The following RETREG1 variants were observed in gnomAD, a reference collection of about 807,000 sequenced individuals.
RETREG1 encodes the protein family with sequence similarity 134 member B.
Under a neutral mutation model 54.8 loss-of-function variants are expected in RETREG1, and 44 were observed. The ratio of observed to expected loss-of-function variants is 0.80; its 90% confidence interval spans 0.63 to 1.03. The LOEUF (loss-of-function observed/expected upper bound fraction) is 1.03, where lower values mean the gene tolerates loss of function less well. Among genes scored for constraint, RETREG1 ranks in the 50% least tolerant of loss-of-function variants. The probability of loss-of-function intolerance (pLI) is 0.00; values close to 1 mark genes in which losing one functional copy is unlikely to be tolerated. For synonymous variants in RETREG1, 217 were observed against 238.5 expected (o/e 0.91, Z 0.83); for missense variants, 554 against 605.1 (o/e 0.92, Z 0.89).
chr5:16,591,310 T>G (rs1324297448), intron 1 of RETREG1, among the ~76,000 whole-genome samples: 1 of 151,538 alleles, frequency 6.6e-6, no homozygotes, highest in East Asian at 1.9e-4. Context: ...ATCTTCTTAA[T>G]ATGGAAAGAA....
At chr5:16,529,828 C>A (rs1740856359) in intron 3 of RETREG1, among the ~76,000 whole-genome samples, 1 of 152,142 alleles carries the variant, frequency 6.6e-6, no homozygotes, top group Non-Finnish European at 1.5e-5. Context: ...TACATAAGTA[C>A]CACGCTCAGG....
Position 16,474,815 on chromosome 5 carries a change from G to T in RETREG1, c.1420C>A (p.Gln474Lys). The change falls in exon 9 of 9, where the codon CAA (glutamine) becomes AAA (lysine). Residue 474 changes from glutamine (Q) to lysine (K), a missense_variant. Around this residue, in one of 4 missense-constraint regions of RETREG1, gnomAD observed 30 missense variants for 32.4 expected, o/e 0.93. Coordinates refer to ENST00000306320, the MANE Select transcript of RETREG1 (RefSeq NM_001034850.3). Reference protein sequence around the residue: ...DQIESELGLTQDQEAEAQQNK... With the variant: ...DQIESELGLTKDQEAEAQQNK... ...TGCTGTGCTTCTGCTTCCTGGTCTT[G>T]TGTAAGTCCCAATTCACTCTCAATT... is the stretch of plus-strand genomic sequence containing the variant. 1.2e-6 allele frequency: 2 copies of T among 1,613,730 alleles called. No homozygotes were observed. Among genetic ancestry groups the T allele is most frequent in the Non-Finnish European group, 1.7e-6 (2 of 1,179,920 alleles).
intron 3 of RETREG1, among the ~76,000 whole-genome samples, chr5:16,555,284 T>C (rs148687279): frequency 3.9e-4 from 60 of 152,284 alleles, no homozygotes; most frequent in African/African-American, 1.4e-3. Flanking sequence ...CCCAAGTACC[T>C]GGGACTACAG....
chr5:16,510,620 T>C (rs1440043202), intron 3 of RETREG1, among the ~76,000 whole-genome samples: 1 of 151,850 alleles, frequency 6.6e-6, no homozygotes, highest in Non-Finnish European at 1.5e-5. Context: ...TGAAACCCTG[T>C]CTCTACTAAA....
intron 1 of RETREG1, among the ~76,000 whole-genome samples, chr5:16,613,923 A>G (rs758528628): frequency 1.5e-4 from 23 of 152,386 alleles, no homozygotes; most frequent in Admixed American, 5.9e-4. Flanking sequence ...AAAAAAAACA[A>G]AATTTTAATG....
At chr5:16,478,013 T>G in intron 7 of RETREG1, 21 bp downstream of exon 7, 1 of 1,591,978 alleles carries the variant, frequency 6.3e-7, no homozygotes, top group Non-Finnish European at 8.6e-7. Context: ...AGGAACAAAT[T>G]GAAAACTAAA....
rs1000729314 is a variant in RETREG1 at position 16,594,324 on chromosome 5, G to C, written c.321-22222C>G. ...TACAAGTTCTAAGTGTATTAGAATA[G>C]ATTTTTAAATGTGACTGAATGAAAA... On this transcript the variant is annotated intron_variant, in intron 1 of 8. Transcript: ENST00000306320. The surrounding 1 kb of genome is among the most constrained non-coding windows in gnomAD (Gnocchi z 4.4). Among the ~76,000 whole-genome samples, 15 of 152,190 alleles carry C rather than the reference G, an allele frequency of 9.9e-5. No homozygotes were observed. The highest frequency in any genetic ancestry group is 3.4e-4 in the African/African-American group (14 of 41,446).
At chr5:16,600,410 G>A (rs1743021073) in intron 1 of RETREG1, among the ~76,000 whole-genome samples, 2 of 152,208 alleles carry the variant, frequency 1.3e-5, no homozygotes, top group Non-Finnish European at 2.9e-5. Flanking sequence ...GTTGTTCTCT[G>A]AAAAAATTAA....
intron 3 of RETREG1, among the ~76,000 whole-genome samples, chr5:16,538,088 A>G (rs1561111317): frequency 6.6e-6 from 1 of 152,242 alleles, no homozygotes; most frequent in African/African-American, 2.4e-5. Flanking sequence ...GTTCCCAACC[A>G]GACCAAGACT....
At chr5:16,558,949 C>T (rs1054674326) in intron 3 of RETREG1, among the ~76,000 whole-genome samples, 9 of 152,174 alleles carry the variant, frequency 5.9e-5, no homozygotes, top group African/African-American at 2.2e-4. Context: ...TTAGCAAACG[C>T]TAGATGACTT....
At chr5:16,608,326 A>G (rs1451355323) in intron 1 of RETREG1, among the ~76,000 whole-genome samples, 2 of 152,142 alleles carry the variant, frequency 1.3e-5, no homozygotes, top group Non-Finnish European at 2.9e-5. Context: ...ATCTGTCCCC[A>G]AAACAGACCC....
At chr5:16,584,793 T>C (rs1280662615) in intron 1 of RETREG1, among the ~76,000 whole-genome samples, 1 of 152,206 alleles carries the variant, frequency 6.6e-6, no homozygotes, top group Non-Finnish European at 1.5e-5. Context: ...CTCTCAATTG[T>C]AATATGTATC....
chr5:16,587,994 T>A (rs963287834), intron 1 of RETREG1, among the ~76,000 whole-genome samples: 4 of 152,158 alleles, frequency 2.6e-5, no homozygotes, highest in Admixed American at 6.5e-5. Flanking sequence ...CTTGCCAAGT[T>A]CCTGGGCTCC....
At chr5:16,531,201 T>C (rs1740906544) in intron 3 of RETREG1, among the ~76,000 whole-genome samples, 2 of 152,178 alleles carry the variant, frequency 1.3e-5, no homozygotes, top group Non-Finnish European at 2.9e-5. Context: ...TCTTATCCTA[T>C]AGCACAGATA....
chr5:16,504,787 C>T (rs1392431432), intron 3 of RETREG1, among the ~76,000 whole-genome samples: 2 of 152,150 alleles, frequency 1.3e-5, no homozygotes, highest in African/African-American at 4.8e-5. Flanking sequence ...AGGCCACATA[C>T]GACCTTTTCA....
chr5:16,571,273 G>T (rs1742166495), intron 2 of RETREG1, among the ~76,000 whole-genome samples: 1 of 152,136 alleles, frequency 6.6e-6, no homozygotes, highest in Admixed American at 6.5e-5. Flanking sequence ...CCCTCCATTT[G>T]GGGTGCATTT....
At chr5:16,565,669 C>G in intron 3 of RETREG1, 94 bp downstream of exon 3, 1 of 1,314,266 alleles carries the variant, frequency 7.6e-7, no homozygotes, top group Non-Finnish European at 1.1e-6. Context: ...AGATTCCTGT[C>G]ACTAAAATTC....
In RETREG1 at chr5:16,590,836, A is replaced by AC. The variant is rs1742745686; in HGVS notation, c.321-18735_321-18734insG. Among the ~76,000 whole-genome samples, 9 of 117,748 alleles carry AC rather than the reference A, an allele frequency of 7.6e-5. No individual in the cohort carries two copies. The South Asian group carries it at 2.0e-3, about 26-fold the overall frequency. 77.2% of individuals were successfully genotyped at this position (117,748 alleles called of 152,430 possible). A position where few individuals can be genotyped will look rare whatever the true frequency, so the allele number is the denominator to read the frequency against. On this transcript the variant is annotated intron_variant, in intron 1 of 8. Coordinates refer to ENST00000306320, the MANE Select transcript of RETREG1 (RefSeq NM_001034850.3). ...CACAGACATGCAAACACACACATGC[A>AC]AACACACATGCACACACAAAAAACA...
chr5:16,580,674 A>T (rs1742455756), intron 1 of RETREG1, among the ~76,000 whole-genome samples: 1 of 152,180 alleles, frequency 6.6e-6, no homozygotes, highest in Admixed American at 6.5e-5. Context: ...AATAATTATC[A>T]TGAGGGGGAG....
Sources: gnomAD v4.1 joint callset for allele counts (sites outside exome capture counted in the v4.1 genomes callset) on GRCh38, gnomAD v4.1.1 for gene constraint, gnomAD v4.1.1 regional missense constraint, Gnocchi (gnomAD v3.1) non-coding constraint, MANE v1.5 for transcripts, NCBI Gene and HGNC (gene_info 2026-07-23, HGNC 2026-07-21) for gene names.